TEX11: variants seen among roughly 807,000 people sequenced by gnomAD.
TEX11 encodes the protein testis-expressed protein 11.
In TEX11, 7 loss-of-function variants were observed where a neutral mutation model predicts 84.4. That is an observed-to-expected ratio of 0.08 (90% CI 0.05 to 0.16). The LOEUF (loss-of-function observed/expected upper bound fraction) is 0.16, where lower values mean the gene tolerates loss of function less well. Ranked by LOEUF, TEX11 falls within the 10% of genes least tolerant of loss-of-function variation. TEX11 has a pLI of 1.00. For synonymous variants in TEX11, 264 were observed against 222.8 expected, an observed-to-expected ratio of 1.18 and a Z score of -1.64; for missense variants, 551 against 660.5, an observed-to-expected ratio of 0.83 and a Z score of 1.82.
chrX:70,528,738 A>G (rs2087847678), downstream of TEX11, among the ~76,000 whole-genome samples: 1 of 111,412 alleles, frequency 9.0e-6, no homozygotes, highest in Non-Finnish European at 1.9e-5. Flanking sequence ...TCCAAATAAG[A>G]GTCTGGGATT....
chrX:70,845,831 C>T (rs182510422), intron 7 of TEX11, among the ~76,000 whole-genome samples: 2 of 111,085 alleles, frequency 1.8e-5, no homozygotes, highest in Non-Finnish European at 3.8e-5. Context: ...CCATCACACA[C>T]GCACACACAA....
intron 8 of TEX11, among the ~76,000 whole-genome samples, chrX:70,819,794 A>G (rs984518357): frequency 8.9e-6 from 1 of 112,076 alleles, no homozygotes; most frequent in African/African-American, 3.2e-5. Flanking sequence ...AAACTATCCA[A>G]GAAGAAAATT....
chrX:70,904,184 A>C (rs1486241655), intron 2 of TEX11, among the ~76,000 whole-genome samples: 1 of 110,173 alleles, frequency 9.1e-6, no homozygotes, highest in Non-Finnish European at 1.9e-5. Flanking sequence ...AATTCTCCCT[A>C]AGAAGGAATG....
intron 8 of TEX11, among the ~76,000 whole-genome samples, chrX:70,809,141 C>T (rs1200800235): frequency 8.9e-6 from 1 of 111,951 alleles, no homozygotes; most frequent in Non-Finnish European, 1.9e-5. Context: ...AGATCAGAAA[C>T]TATGACAGTT....
At chrX:70,876,012 C>T (rs769575279) in intron 3 of TEX11, among the ~76,000 whole-genome samples, 13 of 111,118 alleles carry the variant, frequency 1.2e-4, no homozygotes, top group Non-Finnish European at 2.1e-4. Flanking sequence ...TAAAATGCAC[C>T]CAAAAAATAA....
At chrX:70,544,836 CAAAAAAAAAA>C in intron 28 of TEX11, among the ~76,000 whole-genome samples, 1 of 26,405 alleles carries the variant, frequency 3.8e-5, no homozygotes, top group African/African-American at 1.1e-4. Context: ...GACTCCATCT[CAAAAAAAAAA>C]AAAAAAAAAA....
chrX:70,574,219 T>A (rs2088642829), intron 25 of TEX11, among the ~76,000 whole-genome samples: 3 of 111,935 alleles, frequency 2.7e-5, no homozygotes. Context: ...CTTAGCAACA[T>A]CCAAAAATGA....
chrX:70,664,185 T>C lies in TEX11; in HGVS notation c.1380+6192A>G, dbSNP rs1284743914. 7.1e-5 allele frequency among the ~76,000 whole-genome samples: 8 copies of C among 112,028 alleles called. No individual in the cohort carries two copies. In the South Asian group the frequency reaches 3.0e-3, roughly 42 times the overall value. On this transcript the variant is annotated intron_variant, in intron 16 of 29. Transcript: ENST00000374333. ...ACTTTTTCTCCTTCTATACATTAAATCTCTATTGATTCAACCTAATTTGAG... is the reference window on the plus strand; with the variant it reads ...ACTTTTTCTCCTTCTATACATTAAACCTCTATTGATTCAACCTAATTTGAG...
At chrX:70,659,137 C>T (rs2089901630) in intron 16 of TEX11, among the ~76,000 whole-genome samples, 1 of 112,067 alleles carries the variant, frequency 8.9e-6, no homozygotes, top group African/African-American at 3.2e-5. Context: ...ATCTTCATGA[C>T]ATCGGATTTG....
intron 9 of TEX11, among the ~76,000 whole-genome samples, chrX:70,755,960 C>T (rs939002413): frequency 1.8e-5 from 2 of 112,609 alleles, no homozygotes; most frequent in South Asian, 3.7e-4. Flanking sequence ...CTTGGCTCGG[C>T]GGGTCCCATG....
chrX:70,632,664 G>C (rs772401612), intron 17 of TEX11, among the ~76,000 whole-genome samples: 1 of 111,297 alleles, frequency 9.0e-6, no homozygotes, highest in Non-Finnish European at 1.9e-5. Context: ...CAATAAAATT[G>C]ACCTTCTACA....
intron 18 of TEX11, among the ~76,000 whole-genome samples, chrX:70,628,135 C>T (rs1156441341): frequency 9.2e-6 from 1 of 108,110 alleles, no homozygotes; most frequent in African/African-American, 3.4e-5. Flanking sequence ...GAGGCTGAGG[C>T]ACAAGAATCA....
At chrX:70,788,971 TATAGAGAGAGAGAGAGAG>T (rs1192646909) in intron 9 of TEX11, among the ~76,000 whole-genome samples, 9 of 18,866 alleles carry the variant, frequency 4.8e-4, no homozygotes, top group Admixed American at 7.6e-4. Context: ...TATATATATA[TATAGAGAGAGAGAGAGAG>T]AGAGAGAGAG....
At position 70,758,818 on chromosome X, in the gene TEX11, A is replaced by G. The variant is rs970315872; in HGVS notation, c.693-14599T>C. Among the ~76,000 whole-genome samples, 104 of 111,810 alleles carry G rather than the reference A, an allele frequency of 9.3e-4. 1 individual carries two copies. Among genetic ancestry groups the G allele is most frequent in the Admixed American group, 3.8e-4 (4 of 10,481 alleles). Reference sequence around the variant, plus strand: ...ACACAAAAAACCCTTCAAAAAATCAATGAATCCAGGAGCTGGTTTCTTGAA... The same window carrying G: ...ACACAAAAAACCCTTCAAAAAATCAGTGAATCCAGGAGCTGGTTTCTTGAA... On this transcript the variant is annotated intron_variant, in intron 9 of 29. Transcript: ENST00000374333.
chrX:70,775,875 C>T (rs1464982825), intron 9 of TEX11, among the ~76,000 whole-genome samples: 1 of 103,865 alleles, frequency 9.6e-6, no homozygotes, highest in African/African-American at 3.5e-5. Flanking sequence ...GAGGGAAATG[C>T]AAATCAAAAC....
At chrX:70,835,725 G>A (rs2091401467) in intron 7 of TEX11, among the ~76,000 whole-genome samples, 1 of 112,335 alleles carries the variant, frequency 8.9e-6, no homozygotes, top group Non-Finnish European at 1.9e-5. Flanking sequence ...ATATAGGATT[G>A]ATTTTTATGA....
intron 9 of TEX11, among the ~76,000 whole-genome samples, chrX:70,770,805 C>T (rs778938336): frequency 1.8e-5 from 2 of 110,897 alleles, no homozygotes; most frequent in East Asian, 2.8e-4. Flanking sequence ...ATATTTTTTG[C>T]TGGGTTTTTC....
At chrX:70,887,619 C>G (rs1022063935) in intron 2 of TEX11, among the ~76,000 whole-genome samples, 12 of 112,523 alleles carry the variant, frequency 1.1e-4, no homozygotes, top group African/African-American at 3.6e-4. Flanking sequence ...GACAGCATCT[C>G]TGGACCCACC....
At chrX:70,638,101 C>T (rs140051508) in intron 17 of TEX11, among the ~76,000 whole-genome samples, 86 of 110,876 alleles carry the variant, frequency 7.8e-4, no homozygotes, top group African/African-American at 2.4e-3. Flanking sequence ...GAAAACTTTC[C>T]GAACCTGGGG....
Sources: allele counts gnomAD v4.1 joint callset (sites outside exome capture counted in the v4.1 genomes callset), GRCh38; gene constraint gnomAD v4.1.1; transcripts MANE v1.5; gene names NCBI Gene and HGNC (gene_info 2026-07-23, HGNC 2026-07-21).